UBE2B: variants seen among roughly 807,000 people sequenced by gnomAD.
The protein encoded by UBE2B is ubiquitin conjugating enzyme E2 B.
In UBE2B, 11 loss-of-function variants were observed where a neutral mutation model predicts 24.6. That is an observed-to-expected ratio of 0.45 (90% CI 0.28 to 0.74). The LOEUF is 0.74. Ranked by LOEUF, UBE2B falls within the 30% of genes least tolerant of loss-of-function variation. The pLI is 0.13. For missense variants in UBE2B, 78 were observed against 185.6 expected, an observed-to-expected ratio of 0.42 and a Z score of 3.37; for synonymous variants, 68 against 62.4, an observed-to-expected ratio of 1.09 and a Z score of -0.42.
At chr5:134,379,660 AAAAAGG>A (rs1447825035) in intron 3 of UBE2B, among the ~76,000 whole-genome samples, 51 of 151,766 alleles carry the variant, frequency 3.4e-4, no homozygotes, top group Non-Finnish European at 6.6e-4. Context: ...AAAAAAAAAA[AAAAAGG>A]AAGAAAGAAA....
At chr5:134,388,946 G>GTTTTTTTT (rs35847901) in intron 5 of UBE2B, 8 of 174,502 alleles carry the variant, frequency 4.6e-5, no homozygotes, top group African/African-American at 1.7e-4. Flanking sequence ...TTCTTTAATT[G>GTTTTTTTT]TTTTTTTTTT....
At chr5:134,386,905 GTTTA>G (rs1271263498) in intron 4 of UBE2B, among the ~76,000 whole-genome samples, 1 of 148,184 alleles carries the variant, frequency 6.7e-6, no homozygotes, top group Non-Finnish European at 1.5e-5. Context: ...TGTATCAGTT[GTTTA>G]TTTAGCCAGT....
chr5:134,380,844 G>A, intron 4 of UBE2B, 36 bp downstream of exon 4: 2 of 1,395,092 alleles, frequency 1.4e-6, no homozygotes, highest in Non-Finnish European at 1.0e-6. Flanking sequence ...AGATGATAGT[G>A]GGGAAAAGAG....
At chr5:134,389,571 G>T in intron 5 of UBE2B, among the ~76,000 whole-genome samples, 1 of 143,850 alleles carries the variant, frequency 7.0e-6, no homozygotes, top group African/African-American at 2.6e-5. Flanking sequence ...TTTTTGAGAC[G>T]GAATTTCACC....
chr5:134,381,586 T>C (rs549198003), intron 4 of UBE2B, among the ~76,000 whole-genome samples: 107 of 152,316 alleles, frequency 7.0e-4, no homozygotes, highest in Admixed American at 1.4e-3. Context: ...GCTATGTTTC[T>C]GTAGCTAGAC....
chr5:134,380,616 A>C, intron 3 of UBE2B, 103 bp from the exon 4 acceptor site: 1 of 701,430 alleles, frequency 1.4e-6, no homozygotes, highest in South Asian at 1.6e-5. Context: ...TTGACATACT[A>C]ACTTTTATGT....
chr5:134,389,739 T>G, intron 5 of UBE2B: 1 of 164,564 alleles, frequency 6.1e-6, no homozygotes. Context: ...AATTACGGGG[T>G]TTTCTCCATG....
intron 3 of UBE2B, 124 bp from the exon 4 acceptor site, chr5:134,380,595 C>A: frequency 1.6e-6 from 1 of 640,498 alleles, no homozygotes; most frequent in Non-Finnish European, 2.9e-6. Context: ...GTTTTGTATG[C>A]CGAACCAACG....
At chr5:134,380,647 G>A in intron 3 of UBE2B, 72 bp from the exon 4 acceptor site, 1 of 862,028 alleles carries the variant, frequency 1.2e-6, no homozygotes, top group Non-Finnish European at 1.9e-6. Flanking sequence ...AAACCAGTAT[G>A]CAGTTGAGAA....
At chr5:134,373,840 T>G (rs377574859) in intron 1 of UBE2B, among the ~76,000 whole-genome samples, 1 of 152,248 alleles carries the variant, frequency 6.6e-6, no homozygotes, top group East Asian at 1.9e-4. Flanking sequence ...CTGCATAGTA[T>G]TCCATGGTGT....
intron 4 of UBE2B, among the ~76,000 whole-genome samples, chr5:134,386,999 G>T (rs914424177): frequency 1.4e-5 from 2 of 145,810 alleles, no homozygotes; most frequent in Non-Finnish European, 3.0e-5. Flanking sequence ...TCGCTCTGTC[G>T]CCCAGGCTGG....
Position 134,371,626 on chromosome 5 carries a change from CG to C in UBE2B, c.34del (p.Asp12IlefsTer44). The C allele has an allele frequency of 6.2e-7, 1 of 1,613,184 alleles. No homozygotes were observed. The highest frequency in any genetic ancestry group is 8.5e-7 in the Non-Finnish European group (1 of 1,179,854). ...GACCCCGGCCCGGAGGAGGCTCATG[CG>C]GGATTTCAAGCGGTAAGGGCCTTCA... Reference protein sequence around the residue: MSTPARRRLMRDFKRLQEDPP... With the variant: MSTPARRRLMXDFKRLQEDPP... On this transcript the variant is annotated frameshift_variant, in exon 1 of 6. Coordinates refer to ENST00000265339, the MANE Select transcript of UBE2B (RefSeq NM_003337.4). LOFTEE classifies it high-confidence loss of function.
At chr5:134,375,342 T>C (rs1758579453) in intron 2 of UBE2B, among the ~76,000 whole-genome samples, 1 of 152,218 alleles carries the variant, frequency 6.6e-6, no homozygotes, top group Non-Finnish European at 1.5e-5. Context: ...TTTCTAGACT[T>C]GATCTATTTT....
intron 4 of UBE2B, 171 bp from the exon 5 acceptor site, chr5:134,388,154 A>G (rs1758837041): frequency 3.2e-6 from 2 of 617,118 alleles, no homozygotes; most frequent in Non-Finnish European, 5.8e-6. Flanking sequence ...AAACCATAGC[A>G]GGTGCAAAAT....
intron 3 of UBE2B, among the ~76,000 whole-genome samples, chr5:134,378,644 A>G (rs932175076): frequency 3.3e-5 from 5 of 152,076 alleles, no homozygotes; most frequent in Admixed American, 3.3e-4. Context: ...TGTCTGGAAG[A>G]AAAGCACTTC....
At chr5:134,380,973 T>TC (rs1253952974) in intron 4 of UBE2B, among the ~76,000 whole-genome samples, 165 bp downstream of exon 4, 2 of 136,754 alleles carry the variant, frequency 1.5e-5, no homozygotes, top group African/African-American at 5.5e-5. Flanking sequence ...TTTTTTTTTT[T>TC]TTTTTTTTTT....
At chr5:134,376,364 T>TATATATATACAC (rs70976528) in intron 2 of UBE2B, among the ~76,000 whole-genome samples, 1 of 79,504 alleles carries the variant, frequency 1.3e-5, no homozygotes, top group Admixed American at 1.5e-4. Context: ...TATATATATA[T>TATATATATACAC]ACACATATGT....
At chr5:134,380,885 A>C in intron 4 of UBE2B, 77 bp downstream of exon 4, 1 of 919,278 alleles carries the variant, frequency 1.1e-6, no homozygotes, top group East Asian at 2.8e-5. Context: ...CTTTCACCTT[A>C]CTTTTTACTG....
intron 4 of UBE2B, among the ~76,000 whole-genome samples, chr5:134,385,339 G>A (rs1758782214): frequency 1.3e-5 from 2 of 152,180 alleles, no homozygotes; most frequent in African/African-American, 2.4e-5. Flanking sequence ...GAGTCAATAG[G>A]ATTGCCCAGT....
Sources: gnomAD v4.1 joint callset for allele counts (sites outside exome capture counted in the v4.1 genomes callset) on GRCh38, gnomAD v4.1.1 for gene constraint, MANE v1.5 for transcripts, NCBI Gene and HGNC (gene_info 2026-07-23, HGNC 2026-07-21) for gene names.